CACNA1D: variants seen among roughly 807,000 people sequenced by gnomAD.
CACNA1D encodes the protein voltage-dependent L-type calcium channel subunit alpha-1D.
CACNA1D carries 55 observed loss-of-function variants against 257.1 expected under a neutral mutation model. The ratio of observed to expected loss-of-function variants is 0.21; its 90% CI spans 0.17 to 0.27. CACNA1D has a LOEUF of 0.27. Ranked by LOEUF, CACNA1D falls within the 10% of genes least tolerant of loss-of-function variation. The pLI is 1.00. For synonymous variants in CACNA1D, 980 were observed against 1,014.9 expected (o/e 0.97, Z 0.65); for missense variants, 1,876 against 2,784.0 (o/e 0.67, Z 7.34).
intron 4 of CACNA1D, among the ~76,000 whole-genome samples, chr3:53,658,342 C>G (rs2094169497): frequency 6.6e-6 from 1 of 152,172 alleles, no homozygotes; most frequent in Non-Finnish European, 1.5e-5. Context: ...TTCCTAATAT[C>G]TCATAACTCT....
chr3:53,593,696 G>A (rs1375323225), intron 3 of CACNA1D, among the ~76,000 whole-genome samples: 3 of 152,098 alleles, frequency 2.0e-5, no homozygotes, highest in South Asian at 2.1e-4. Context: ...CCCCCTCAAA[G>A]TGTGGGAAGA....
In CACNA1D at chr3:53,698,425, C is replaced by A. The variant is rs1466261286; in HGVS notation, c.1221-4216C>A. Among the ~76,000 whole-genome samples the A allele has an allele frequency of 2.6e-5, 4 of 152,330 alleles. No individual in the cohort carries two copies. The East Asian group carries it at 7.7e-4, about 29-fold the overall frequency. ...TTTGTAGTTCATCCCTCACTCCAAT[C>A]CTACCCAAGACTGAGAGTATGTCGT... On this transcript the variant is annotated intron_variant, in intron 8 of 47. Coordinates refer to ENST00000350061, the MANE Select transcript of CACNA1D (RefSeq NM_001128840.3).
intron 9 of CACNA1D, among the ~76,000 whole-genome samples, chr3:53,707,998 C>A (rs1369032866): frequency 6.6e-6 from 1 of 152,248 alleles, no homozygotes; most frequent in Non-Finnish European, 1.5e-5. Context: ...TCTTCTGCTT[C>A]TTCAGTGGTC....
intron 3 of CACNA1D, among the ~76,000 whole-genome samples, chr3:53,541,054 C>T (rs1291563207): frequency 6.6e-6 from 1 of 152,128 alleles, no homozygotes; most frequent in Admixed American, 6.5e-5. Context: ...CATGGTATTT[C>T]ATTGACAGAA....
At chr3:53,633,148 A>G (rs1314305382) in intron 3 of CACNA1D, among the ~76,000 whole-genome samples, 1 of 152,222 alleles carries the variant, frequency 6.6e-6, no homozygotes, top group Non-Finnish European at 1.5e-5. Context: ...TGTGCTGACC[A>G]TTGCACATTA....
chr3:53,694,763 A>G (rs1163430353), intron 8 of CACNA1D, among the ~76,000 whole-genome samples: 1 of 152,158 alleles, frequency 6.6e-6, no homozygotes, highest in East Asian at 1.9e-4. Context: ...CTGTTTTGCC[A>G]AAACCCAGGT....
chr3:53,525,386 A>T (rs1305238179), intron 3 of CACNA1D, among the ~76,000 whole-genome samples: 2 of 152,174 alleles, frequency 1.3e-5, no homozygotes, highest in African/African-American at 4.8e-5. Context: ...TCCATTTTTT[A>T]AATATGAAAT....
intron 20 of CACNA1D, 80 bp from the exon 21 acceptor site, chr3:53,740,200 G>A (rs544960979): frequency 6.7e-5 from 67 of 999,480 alleles, no homozygotes; most frequent in East Asian, 2.1e-4. Flanking sequence ...TGACTGGATC[G>A]GGGGTTTCTG....
At chr3:53,807,093 C>T (rs1237938514) in intron 45 of CACNA1D, among the ~76,000 whole-genome samples, 1 of 152,264 alleles carries the variant, frequency 6.6e-6, no homozygotes, top group Admixed American at 6.5e-5. Flanking sequence ...CCTGTGTTCT[C>T]AGCTGCAGGG....
At chr3:53,807,111 C>T (rs936666609) in intron 45 of CACNA1D, among the ~76,000 whole-genome samples, 2 of 152,248 alleles carry the variant, frequency 1.3e-5, no homozygotes, top group African/African-American at 4.8e-5. Flanking sequence ...GGGGGATTCC[C>T]TCCTCCTCCA....
At chr3:53,770,644 T>C (rs2095361270) in intron 32 of CACNA1D, 92 bp downstream of exon 32, 2 of 1,217,084 alleles carry the variant, frequency 1.6e-6, no homozygotes, top group African/African-American at 1.5e-5. Flanking sequence ...AGGCTCCCCC[T>C]GTGTGGCCAC....
intron 39 of CACNA1D, chr3:53,783,194 C>T (rs904830464): frequency 3.9e-5 from 6 of 152,352 alleles, no homozygotes; most frequent in African/African-American, 1.4e-4. Flanking sequence ...TCTCTTGGAA[C>T]GCCACCTTCA....
intron 3 of CACNA1D, among the ~76,000 whole-genome samples, chr3:53,586,276 CTGTGTGTGTGTGTGTG>C (rs57318445): frequency 9.6e-5 from 13 of 135,936 alleles, no homozygotes; most frequent in Admixed American, 1.5e-4. Context: ...TGCCTCTATT[CTGTGTGTGTGTGTGTG>C]TGTGTGTGTG....
intron 15 of CACNA1D, among the ~76,000 whole-genome samples, chr3:53,727,912 T>G (rs531310145): frequency 6.6e-6 from 1 of 152,310 alleles, no homozygotes; most frequent in South Asian, 2.1e-4. Context: ...CCCCCTTTTC[T>G]ACAAGGACAA....
intron 9 of CACNA1D, among the ~76,000 whole-genome samples, chr3:53,714,725 A>C (rs1289821919): frequency 1.3e-5 from 2 of 152,198 alleles, no homozygotes; most frequent in African/African-American, 2.4e-5. Flanking sequence ...GGTGAGTGGA[A>C]GTTAGGAGAG....
chr3:53,559,419 G>A (rs2092700029), intron 3 of CACNA1D, among the ~76,000 whole-genome samples: 1 of 152,092 alleles, frequency 6.6e-6, no homozygotes, highest in Admixed American at 6.6e-5. Flanking sequence ...TAGACATCTT[G>A]AATATTTTTA....
Position 53,751,483 on chromosome 3 carries a change from A to G in CACNA1D, c.3517-266A>G, listed in dbSNP as rs1258690908. 6.6e-6 allele frequency among the ~76,000 whole-genome samples: 1 copy of G among 152,240 alleles called. No homozygotes were observed. Among genetic ancestry groups the G allele is most frequent in the Non-Finnish European group, 1.5e-5 (1 of 68,042 alleles). On this transcript the variant is annotated intron_variant, in intron 27 of 47. Transcript: ENST00000350061. This position sits in a 1 kb window ranked among gnomAD's most constrained non-coding sequence, Gnocchi z 4.3. ...CTAAAAGCTCTGAGCCTCAGTTTTTAGTAAGCAAAATGGAAGCCACATGGG... is the reference window on the plus strand; with the variant it reads ...CTAAAAGCTCTGAGCCTCAGTTTTTGGTAAGCAAAATGGAAGCCACATGGG...
chr3:53,682,740 T>C (rs2094444325), intron 8 of CACNA1D, among the ~76,000 whole-genome samples: 1 of 152,144 alleles, frequency 6.6e-6, no homozygotes, highest in Non-Finnish European at 1.5e-5. Context: ...ATGAATAGAT[T>C]GGATGGATAC....
intron 11 of CACNA1D, among the ~76,000 whole-genome samples, chr3:53,720,748 AG>A (rs1199811310): frequency 2.0e-5 from 3 of 152,242 alleles, no homozygotes; most frequent in African/African-American, 7.2e-5. Flanking sequence ...GACAATGACA[AG>A]TTCTGACAAG....
Sources: gnomAD v4.1 joint callset for allele counts (sites outside exome capture counted in the v4.1 genomes callset) on GRCh38, gnomAD v4.1.1 for gene constraint, Gnocchi (gnomAD v3.1) non-coding constraint, MANE v1.5 for transcripts, NCBI Gene and HGNC (gene_info 2026-07-23, HGNC 2026-07-21) for gene names.